The following SPARCL1 variants were observed in gnomAD, a reference collection of about 807,000 sequenced individuals.
SPARCL1 encodes SPARC-like protein 1.
A neutral mutation model predicts 67.1 loss-of-function variants in SPARCL1; 52 were observed. The observed-to-expected ratio is 0.78, with a 90% CI of 0.62 to 0.98. The LOEUF (loss-of-function observed/expected upper bound fraction) is 0.98, where lower values mean the gene tolerates loss of function less well. SPARCL1 is among the 50% of genes least tolerant of loss of function. SPARCL1 has a pLI of 0.00. For missense variants in SPARCL1, 717 were observed against 782.4 expected (o/e 0.92, Z 1.00); for synonymous variants, 226 against 267.8 (o/e 0.84, Z 1.52).
intron 1 of SPARCL1, among the ~76,000 whole-genome samples, chr4:87,512,705 T>C (rs891615223): frequency 3.9e-5 from 6 of 152,092 alleles, no homozygotes; most frequent in Admixed American, 2.0e-4. Context: ...CCAATCCAGA[T>C]TGGAGAATTA....
intron 10 of SPARCL1, 106 bp downstream of exon 10, chr4:87,479,324 A>G: frequency 8.2e-7 from 1 of 1,225,998 alleles, no homozygotes; most frequent in Non-Finnish European, 1.1e-6. Context: ...TTTTTTTTCT[A>G]GCTTCCAATT....
chr4:87,528,435 G>T (rs1726139952), intron 1 of SPARCL1: 2 of 152,076 alleles, frequency 1.3e-5, no homozygotes, highest in Admixed American at 1.3e-4. Flanking sequence ...ACAAATGATA[G>T]TAGGAGGCAA....
At chr4:87,497,782 G>A (rs1198523443) in intron 2 of SPARCL1, among the ~76,000 whole-genome samples, 1 of 152,184 alleles carries the variant, frequency 6.6e-6, no homozygotes, top group African/African-American at 2.4e-5. Context: ...TTTTGAGGCA[G>A]TCTTGCTCTG....
At chr4:87,505,784 T>A (rs1038189749) in intron 1 of SPARCL1, among the ~76,000 whole-genome samples, 2 of 150,540 alleles carry the variant, frequency 1.3e-5, no homozygotes, top group Non-Finnish European at 3.0e-5. Flanking sequence ...GTCTCAAACT[T>A]CTGGCTTCAA....
intron 1 of SPARCL1, among the ~76,000 whole-genome samples, chr4:87,518,201 A>G (rs962208639): frequency 1.3e-5 from 2 of 152,294 alleles, no homozygotes; most frequent in South Asian, 2.1e-4. Flanking sequence ...ATGCCTTCAG[A>G]GAGAAAATGT....
intron 1 of SPARCL1, among the ~76,000 whole-genome samples, chr4:87,503,683 C>CTTTTTTTTTTTTTTTTTTTTTT (rs60057481): frequency 7.2e-6 from 1 of 138,056 alleles, no homozygotes. Flanking sequence ...TTTTTTTTTC[C>CTTTTTTTTTTTTTTTTTTTTTT]TTTTTTTTTT....
At chr4:87,476,775 C>T (rs1412410670) in intron 10 of SPARCL1, among the ~76,000 whole-genome samples, 1 of 152,230 alleles carries the variant, frequency 6.6e-6, no homozygotes, top group Non-Finnish European at 1.5e-5. Context: ...CTAATTCACA[C>T]AGCTAGTTAA....
chr4:87,513,555 G>A (rs1725462297), intron 1 of SPARCL1, among the ~76,000 whole-genome samples: 2 of 152,148 alleles, frequency 1.3e-5, no homozygotes, highest in African/African-American at 4.8e-5. Context: ...GGTGAGGTGA[G>A]GAAGCTCTTT....
chr4:87,520,531 G>A (rs1029397969), intron 1 of SPARCL1, among the ~76,000 whole-genome samples: 10 of 152,100 alleles, frequency 6.6e-5, no homozygotes, highest in African/African-American at 1.7e-4. Context: ...TTGTTCCTAA[G>A]CAAGGCAAGC....
At chr4:87,514,547 A>G (rs766968123) in intron 1 of SPARCL1, among the ~76,000 whole-genome samples, 3 of 152,248 alleles carry the variant, frequency 2.0e-5, no homozygotes, top group Non-Finnish European at 4.4e-5. Context: ...TCAAGTTTCA[A>G]TTATAAAGAA....
chr4:87,497,254 G>T (rs1005153281), intron 2 of SPARCL1: 1 of 982,298 alleles, frequency 1.0e-6, no homozygotes. Context: ...GATGGGTAAT[G>T]AATTTGAAAA....
chr4:87,506,822 T>TATC (rs1311749085), intron 1 of SPARCL1, among the ~76,000 whole-genome samples: 2 of 150,578 alleles, frequency 1.3e-5, no homozygotes, highest in East Asian at 4.0e-4. Flanking sequence ...TCTATCTATC[T>TATC]ATCTACCTAC....
chr4:87,485,521 ATT>A (rs59992879), intron 7 of SPARCL1, among the ~76,000 whole-genome samples: 36 of 143,754 alleles, frequency 2.5e-4, no homozygotes, highest in East Asian at 6.1e-4. Flanking sequence ...ATTGGCCTGA[ATT>A]TTTTTTTTTT....
At chr4:87,478,638 A>G in intron 10 of SPARCL1, among the ~76,000 whole-genome samples, 1 of 151,838 alleles carries the variant, frequency 6.6e-6, no homozygotes, top group East Asian at 1.9e-4. Flanking sequence ...GGGTTTCACC[A>G]TGTTGGCCAG....
chr4:87,517,909 T>C (rs1460092504), intron 1 of SPARCL1, among the ~76,000 whole-genome samples: 1 of 152,206 alleles, frequency 6.6e-6, no homozygotes, highest in African/African-American at 2.4e-5. Flanking sequence ...GGAATAATGG[T>C]GTACTTTGAT....
intron 1 of SPARCL1, among the ~76,000 whole-genome samples, chr4:87,515,149 G>A (rs1295392686): frequency 6.6e-6 from 1 of 152,196 alleles, no homozygotes; most frequent in Non-Finnish European, 1.5e-5. Flanking sequence ...TTGCTCAAAT[G>A]CGTGAGCTTA....
rs1203788421 is a variant in SPARCL1, at chr4:87,528,670, T to TA, written c.-12+374dup. 2.6e-5 allele frequency: 4 copies of TA among 152,254 alleles called. No homozygotes were observed. The South Asian group carries it at 8.3e-4, about 32-fold the overall frequency. The allele number at this position is 152,254 out of a possible 1,614,324, so 9.4% of individuals were successfully genotyped here. A position where few individuals can be genotyped will look rare whatever the true frequency, so the allele number is the denominator to read the frequency against. On this transcript the variant is annotated intron_variant, in intron 1 of 10. Coordinates refer to ENST00000282470, the MANE Select transcript of SPARCL1 (RefSeq NM_004684.6). Reference sequence around the variant, plus strand: ...AAATTATTTGATTTGAAATTTTTTTTAAAAACTACCTTCTTTATAGTTTAT... The same window carrying TA: ...AAATTATTTGATTTGAAATTTTTTTTAAAAAACTACCTTCTTTATAGTTTAT...
chr4:87,479,681 A>G (rs963060660), intron 9 of SPARCL1, 103 bp from the exon 10 acceptor site: 2 of 1,072,840 alleles, frequency 1.9e-6, no homozygotes, highest in South Asian at 1.5e-5. Flanking sequence ...GTTGCTGTAT[A>G]TGTGATATAA....
chr4:87,474,790 C>T (rs1023698752), intron 10 of SPARCL1, among the ~76,000 whole-genome samples: 63 of 148,616 alleles, frequency 4.2e-4, no homozygotes, highest in African/African-American at 1.4e-3. Flanking sequence ...TCACCCAGGC[C>T]AGACTGAAGT....
Sources: gnomAD v4.1 joint callset for allele counts (sites outside exome capture counted in the v4.1 genomes callset) on GRCh38, gnomAD v4.1.1 for gene constraint, MANE v1.5 for transcripts, NCBI Gene and HGNC (gene_info 2026-07-23, HGNC 2026-07-21) for gene names.